Variants in FGF12 observed in about 807,000 individuals in gnomAD.
The protein encoded by FGF12 is fibroblast growth factor 12B.
Under a neutral mutation model 23.6 loss-of-function variants are expected in FGF12, and 14 were observed. The ratio of observed to expected loss-of-function variants is 0.59; its 90% CI spans 0.39 to 0.93. FGF12 has a LOEUF of 0.93. FGF12 is among the 40% of genes least tolerant of loss of function. FGF12 has a pLI of 0.00. For synonymous variants in FGF12, 62 were observed against 77.3 expected (o/e 0.80, Z 1.04); for missense variants, 175 against 217.8 (o/e 0.80, Z 1.24).
At chr3:192,429,871 T>C (rs1007462157) in intron 2 of FGF12, among the ~76,000 whole-genome samples, 3 of 151,176 alleles carry the variant, frequency 2.0e-5, no homozygotes, top group Admixed American at 6.6e-5. Flanking sequence ...CTTAAGATAT[T>C]TTTTTGCAAC....
chr3:192,487,887 A>T (rs1261608430), intron 2 of FGF12, among the ~76,000 whole-genome samples: 1 of 152,106 alleles, frequency 6.6e-6, no homozygotes, highest in East Asian at 1.9e-4. Context: ...TAACTCCAGT[A>T]CCTAGAGTAG....
chr3:192,371,455 A>G (rs1465402495), intron 2 of FGF12, among the ~76,000 whole-genome samples: 1 of 152,242 alleles, frequency 6.6e-6, no homozygotes, highest in African/African-American at 2.4e-5. Context: ...GAAATTGTTT[A>G]GATAACTAAG....
chr3:192,191,174 A>G (rs974999918), intron 4 of FGF12, among the ~76,000 whole-genome samples: 1 of 152,222 alleles, frequency 6.6e-6, no homozygotes, highest in Non-Finnish European at 1.5e-5. Context: ...AAGTTCTACA[A>G]AACTATGAGG....
intron 2 of FGF12, among the ~76,000 whole-genome samples, chr3:192,638,508 C>T (rs1173309250): frequency 6.6e-6 from 1 of 152,218 alleles, no homozygotes; most frequent in Non-Finnish European, 1.5e-5. Flanking sequence ...GCTTCATGCA[C>T]TCTGCAAACA....
chr3:192,161,505 T>C (rs1041699072), intron 5 of FGF12, among the ~76,000 whole-genome samples: 1 of 149,586 alleles, frequency 6.7e-6, no homozygotes, highest in Non-Finnish European at 1.5e-5. Flanking sequence ...AACGCCTATT[T>C]ACACACACAC....
chr3:192,243,248 A>G (rs913006623), intron 4 of FGF12, among the ~76,000 whole-genome samples: 6 of 152,068 alleles, frequency 3.9e-5, no homozygotes, highest in African/African-American at 1.4e-4. Context: ...ACAAAATCAG[A>G]AAGAATAACT....
At chr3:192,221,307 A>T (rs113812121) in intron 4 of FGF12, among the ~76,000 whole-genome samples, 3 of 152,166 alleles carry the variant, frequency 2.0e-5, no homozygotes, top group African/African-American at 7.2e-5. Flanking sequence ...CAAATTCTGC[A>T]CATTCTCTTA....
chr3:192,525,677 T>C (rs1203504691), intron 2 of FGF12, among the ~76,000 whole-genome samples: 1 of 152,224 alleles, frequency 6.6e-6, no homozygotes, highest in Non-Finnish European at 1.5e-5. Context: ...AAGTCGACAG[T>C]GTAAGTTTGG....
chr3:192,566,647 A>C (rs369007559), intron 2 of FGF12, among the ~76,000 whole-genome samples: 1 of 152,166 alleles, frequency 6.6e-6, no homozygotes, highest in Non-Finnish European at 1.5e-5. Context: ...CCAGTCTTTT[A>C]ATCTCTAGAT....
intron 2 of FGF12, among the ~76,000 whole-genome samples, chr3:192,478,556 T>C (rs1361760391): frequency 6.6e-6 from 1 of 152,172 alleles, no homozygotes; most frequent in Admixed American, 6.6e-5. Context: ...TTCTTGATCA[T>C]TCCCTAAGTA....
At chr3:192,460,811 C>T (rs1456608869) in intron 2 of FGF12, among the ~76,000 whole-genome samples, 1 of 151,906 alleles carries the variant, frequency 6.6e-6, no homozygotes, top group East Asian at 1.9e-4. Flanking sequence ...CTGGTTAGGG[C>T]AAGAATCATG....
chr3:192,193,076 C>T (rs971896246), intron 4 of FGF12, among the ~76,000 whole-genome samples: 3 of 152,118 alleles, frequency 2.0e-5, no homozygotes, highest in Non-Finnish European at 2.9e-5. Flanking sequence ...AGTTGGGTAT[C>T]AGTGGTCTGG....
At chr3:192,469,113 C>T (rs1027361789) in intron 2 of FGF12, among the ~76,000 whole-genome samples, 2 of 152,150 alleles carry the variant, frequency 1.3e-5, no homozygotes, top group African/African-American at 4.8e-5. Flanking sequence ...TTAAGCACGT[C>T]CTCATTTTTT....
rs79359269 is a variant in FGF12 at position 192,336,324 on chromosome 3, A to G, written c.125-860T>C. Among the ~76,000 whole-genome samples the G allele has an allele frequency of 0.073, 11,033 of 152,104 alleles. 514 individuals are homozygous for G. Among genetic ancestry groups the G allele is most frequent in the African/African-American group, 0.12 (4,817 of 41,504 alleles). ...AGTTGCTCATCACTCAAAATACTCA[A>G]TAGTCTATATGTCCACTTAGAGAAG... On this transcript the variant is annotated intron_variant, in intron 3 of 5. Transcript: ENST00000445105. The surrounding 1 kb of genome is among the most constrained non-coding windows in gnomAD (Gnocchi z 4.3).
chr3:192,517,196 A>G (rs1487105122), intron 2 of FGF12, among the ~76,000 whole-genome samples: 13 of 152,332 alleles, frequency 8.5e-5, no homozygotes, highest in African/African-American at 2.9e-4. Flanking sequence ...ATCAGTTTTT[A>G]TATTTATCAC....
chr3:192,440,404 C>A (rs1308286387), intron 2 of FGF12, among the ~76,000 whole-genome samples: 2 of 152,044 alleles, frequency 1.3e-5, no homozygotes, highest in African/African-American at 4.8e-5. Flanking sequence ...AAGACAACAG[C>A]GGTGGCAGTG....
intron 2 of FGF12, among the ~76,000 whole-genome samples, chr3:192,426,943 A>T (rs967134971): frequency 6.6e-5 from 10 of 152,214 alleles, no homozygotes; most frequent in South Asian, 4.1e-4. Context: ...GGAAATAAAA[A>T]TACTTACTGA....
At chr3:192,607,035 G>A (rs183352035) in intron 2 of FGF12, among the ~76,000 whole-genome samples, 7 of 150,098 alleles carry the variant, frequency 4.7e-5, no homozygotes, top group Non-Finnish European at 7.4e-5. Context: ...ACACACACAC[G>A]CAGGTACACT....
chr3:192,178,387 T>C (rs1416975305), intron 4 of FGF12, among the ~76,000 whole-genome samples: 1 of 152,216 alleles, frequency 6.6e-6, no homozygotes, highest in African/African-American at 2.4e-5. Flanking sequence ...TTAGTAATTA[T>C]GACTAATGAC....
Sources: allele counts gnomAD v4.1 joint callset (sites outside exome capture counted in the v4.1 genomes callset), GRCh38; gene constraint gnomAD v4.1.1; non-coding constraint Gnocchi (gnomAD v3.1); transcripts MANE v1.5; gene names NCBI Gene and HGNC (gene_info 2026-07-23, HGNC 2026-07-21).